The following C1orf21 variants were observed in gnomAD, a reference collection of about 807,000 sequenced individuals.
The protein encoded by C1orf21 is uncharacterized protein C1orf21.
A neutral mutation model predicts 18.7 loss-of-function variants in C1orf21; 3 were observed. That is an observed-to-expected ratio of 0.16 (90% CI 0.07 to 0.42). The LOEUF (loss-of-function observed/expected upper bound fraction) is 0.42. C1orf21 is among the 10% of genes least tolerant of loss of function. C1orf21 has a pLI of 0.99. For missense variants in C1orf21, 104 were observed against 143.6 expected (o/e 0.72, Z 1.41); for synonymous variants, 41 against 46.4 (o/e 0.88, Z 0.47).
chr1:184,441,793 T>A (rs755692381), intron 1 of C1orf21, among the ~76,000 whole-genome samples: 1 of 152,228 alleles, frequency 6.6e-6, no homozygotes, highest in East Asian at 1.9e-4. Flanking sequence ...TTAAATTTTT[T>A]AATCTGGTTT....
chr1:184,581,506 ACT>A (rs921923030), intron 3 of C1orf21, among the ~76,000 whole-genome samples: 2 of 151,944 alleles, frequency 1.3e-5, no homozygotes, highest in African/African-American at 4.8e-5. Flanking sequence ...GATTAAAAAC[ACT>A]CTGGGTAAAA....
chr1:184,436,420 A>C (rs1332508988), intron 1 of C1orf21, among the ~76,000 whole-genome samples: 1 of 151,816 alleles, frequency 6.6e-6, no homozygotes, highest in Non-Finnish European at 1.5e-5. Context: ...GGGTGTGTAG[A>C]AGGATGTGGT....
At chr1:184,413,768 C>T (rs910544324) in intron 1 of C1orf21, among the ~76,000 whole-genome samples, 2 of 152,092 alleles carry the variant, frequency 1.3e-5, no homozygotes, top group African/African-American at 4.8e-5. Flanking sequence ...AAATACGGTC[C>T]CTGTGTGGTG....
intron 1 of C1orf21, among the ~76,000 whole-genome samples, chr1:184,475,728 G>T (rs1449645568): frequency 7.3e-6 from 1 of 136,672 alleles, no homozygotes; most frequent in Non-Finnish European, 1.5e-5. Context: ...CTAAATAATG[G>T]AATAGGGTGT....
intron 3 of C1orf21, among the ~76,000 whole-genome samples, chr1:184,530,483 T>G (rs1410846951): frequency 6.6e-6 from 1 of 152,308 alleles, no homozygotes; most frequent in East Asian, 1.9e-4. Context: ...CCAAATAACT[T>G]TACTCTATTT....
At chr1:184,421,316 G>A (rs977878821) in intron 1 of C1orf21, among the ~76,000 whole-genome samples, 1 of 152,152 alleles carries the variant, frequency 6.6e-6, no homozygotes, top group Non-Finnish European at 1.5e-5. Context: ...GTGTTGCCCA[G>A]CCTGGCCTTG....
At chr1:184,402,086 C>T (rs1281679495) in intron 1 of C1orf21, among the ~76,000 whole-genome samples, 4 of 151,976 alleles carry the variant, frequency 2.6e-5, no homozygotes, top group Non-Finnish European at 5.9e-5. Context: ...TTTCCAATAC[C>T]TAATTGAATA....
At chr1:184,613,674 T>C (rs1659773930) in intron 5 of C1orf21, among the ~76,000 whole-genome samples, 1 of 152,114 alleles carries the variant, frequency 6.6e-6, no homozygotes. Flanking sequence ...CCAGCACTGC[T>C]TCCCTCCAAA....
At chr1:184,442,536 A>G (rs775918872) in intron 1 of C1orf21, among the ~76,000 whole-genome samples, 1 of 152,214 alleles carries the variant, frequency 6.6e-6, no homozygotes, top group African/African-American at 2.4e-5. Flanking sequence ...ATAGGCAGAT[A>G]TAGGGCCTAG....
At chr1:184,569,087 C>T (rs1659074848) in intron 3 of C1orf21, among the ~76,000 whole-genome samples, 1 of 152,200 alleles carries the variant, frequency 6.6e-6, no homozygotes, top group Non-Finnish European at 1.5e-5. Context: ...TGGGATAAGT[C>T]TCTGCCAAGA....
intron 1 of C1orf21, among the ~76,000 whole-genome samples, chr1:184,403,978 C>T (rs983315054): frequency 6.6e-6 from 1 of 152,116 alleles, no homozygotes; most frequent in East Asian, 1.9e-4. Context: ...CTTTATTCAG[C>T]AGGAGATTTT....
At chr1:184,597,822 T>C (rs1571295824) in intron 4 of C1orf21, among the ~76,000 whole-genome samples, 1 of 152,160 alleles carries the variant, frequency 6.6e-6, no homozygotes, top group Non-Finnish European at 1.5e-5. Context: ...TGCTCAGACA[T>C]GCGTCCTCCC....
At chr1:184,481,142 G>A (rs1240052515) in intron 2 of C1orf21, among the ~76,000 whole-genome samples, 2 of 152,056 alleles carry the variant, frequency 1.3e-5, no homozygotes. Flanking sequence ...CAGAGGAAAA[G>A]AAGGAAAGAG....
intron 3 of C1orf21, among the ~76,000 whole-genome samples, chr1:184,551,399 CCAACT>C (rs1658810922): frequency 6.6e-6 from 1 of 152,106 alleles, no homozygotes; most frequent in Non-Finnish European, 1.5e-5. Flanking sequence ...AGGAACAAAA[CCAACT>C]CAAATTACCA....
chr1:184,503,298 G>A (rs932410226), intron 2 of C1orf21, among the ~76,000 whole-genome samples: 2 of 152,082 alleles, frequency 1.3e-5, no homozygotes. Context: ...AGTGAGGACA[G>A]TAGTTATCGT....
intron 2 of C1orf21, among the ~76,000 whole-genome samples, chr1:184,484,884 C>CTCTGTG (rs1657710293): frequency 6.9e-6 from 1 of 145,982 alleles, no homozygotes; most frequent in Admixed American, 6.8e-5. Flanking sequence ...ATGCTTGTGG[C>CTCTGTG]TGTGTGTGTG....
At chr1:184,402,844 C>T (rs1168825536) in intron 1 of C1orf21, among the ~76,000 whole-genome samples, 1 of 152,158 alleles carries the variant, frequency 6.6e-6, no homozygotes, top group African/African-American at 2.4e-5. Context: ...GATTGACAAG[C>T]ACCTGTCAAT....
chr1:184,422,186 G>T (rs1054673289), intron 1 of C1orf21, among the ~76,000 whole-genome samples: 28 of 152,126 alleles, frequency 1.8e-4, no homozygotes, highest in African/African-American at 6.5e-4. Context: ...AGGGCCGTGT[G>T]GATGTTCCCG....
intron 3 of C1orf21, among the ~76,000 whole-genome samples, chr1:184,547,766 AAT>A (rs1297777425): frequency 6.6e-6 from 1 of 152,230 alleles, no homozygotes; most frequent in East Asian, 1.9e-4. Flanking sequence ...TTATGAAGAG[AAT>A]AATCAAAATA....
Sources: allele counts gnomAD v4.1 joint callset (sites outside exome capture counted in the v4.1 genomes callset), GRCh38; gene constraint gnomAD v4.1.1; transcripts MANE v1.5; gene names NCBI Gene and HGNC (gene_info 2026-07-23, HGNC 2026-07-21).